GIPC2: variants seen among roughly 807,000 people sequenced by gnomAD.
The protein encoded by GIPC2 is PDZ domain-containing protein GIPC2.
GIPC2 carries 30 observed loss-of-function variants against 30.6 expected under a neutral mutation model. The ratio of observed to expected loss-of-function variants is 0.98; its 90% confidence interval spans 0.73 to 1.33. The LOEUF is 1.33. Ranked by LOEUF, GIPC2 falls within the 40% of genes most tolerant of loss-of-function variation. The pLI is 0.00. For missense variants in GIPC2, 414 were observed against 390.3 expected (o/e 1.06, Z -0.51); for synonymous variants, 167 against 150.0 (o/e 1.11, Z -0.83).
chr1:78,050,221 G>A (rs1661170952), intron 1 of GIPC2, among the ~76,000 whole-genome samples: 1 of 152,130 alleles, frequency 6.6e-6, no homozygotes, highest in Non-Finnish European at 1.5e-5. Context: ...TTACATAGCA[G>A]CTGTGAGATT....
At chr1:78,069,810 T>C (rs1238257964) in intron 1 of GIPC2, among the ~76,000 whole-genome samples, 1 of 152,170 alleles carries the variant, frequency 6.6e-6, no homozygotes, top group African/African-American at 2.4e-5. Context: ...TTAGGTGTTT[T>C]AGTTTAGAAG....
At chr1:78,110,383 C>T in intron 3 of GIPC2, among the ~76,000 whole-genome samples, 1 of 152,128 alleles carries the variant, frequency 6.6e-6, no homozygotes, top group East Asian at 1.9e-4. Flanking sequence ...AGAAATCACC[C>T]AATATTTAAA....
chr1:78,062,205 A>G (rs1661406977), intron 1 of GIPC2, among the ~76,000 whole-genome samples: 1 of 152,192 alleles, frequency 6.6e-6, no homozygotes, highest in Non-Finnish European at 1.5e-5. Flanking sequence ...ACATATCCAT[A>G]TATTTCATTA....
intron 2 of GIPC2, among the ~76,000 whole-genome samples, chr1:78,086,425 G>C (rs1230789272): frequency 6.6e-6 from 1 of 152,120 alleles, no homozygotes; most frequent in Non-Finnish European, 1.5e-5. Context: ...GAGTTCTATA[G>C]AGGTCTTTCA....
rs137865948 is a variant in GIPC2 at position 78,095,121 on chromosome 1, A to G, written c.596A>G (p.Lys199Arg). 1 of 1,611,128 alleles carries G rather than the reference A, an allele frequency of 6.2e-7. No homozygotes were observed. Among genetic ancestry groups the G allele is most frequent in the African/African-American group, 1.3e-5 (1 of 74,828 alleles). The change falls in exon 3 of 6, where the codon AAG (lysine) becomes AGG (arginine). Residue 199 changes from lysine to arginine, a missense_variant. Lys to Arg is a conservative substitution (Grantham distance 26). Transcript: ENST00000370759. ...ELFTMKLIEPKKAFEIELRSK... is the reference protein window; with the variant it reads ...ELFTMKLIEPRKAFEIELRSK... ...TTTACTATGAAGTTAATAGAACCTA[A>G]GAAGGCATTTGGTAAGTCAGGGGTT...
At chr1:78,052,996 G>A (rs1661222484) in intron 1 of GIPC2, among the ~76,000 whole-genome samples, 1 of 152,144 alleles carries the variant, frequency 6.6e-6, no homozygotes. Context: ...GACGAATAGA[G>A]AAAATAGGGT....
chr1:78,073,224 C>T (rs971121874), intron 1 of GIPC2, among the ~76,000 whole-genome samples: 1 of 151,774 alleles, frequency 6.6e-6, no homozygotes, highest in African/African-American at 2.4e-5. Context: ...CTGCTTCAGC[C>T]TCCTGAGTAG....
At chr1:78,134,047 T>A (rs1448388583) in intron 5 of GIPC2, among the ~76,000 whole-genome samples, 5 of 152,128 alleles carry the variant, frequency 3.3e-5, no homozygotes, top group African/African-American at 1.2e-4. Context: ...GAAGTCTTAG[T>A]CTTTCTAATG....
chr1:78,078,973 A>T (rs1233540054), intron 1 of GIPC2, among the ~76,000 whole-genome samples: 2 of 152,144 alleles, frequency 1.3e-5, no homozygotes, highest in Admixed American at 6.6e-5. Flanking sequence ...ACCCATTCAC[A>T]GTGATTTTTG....
chr1:78,060,389 C>T (rs1661370551), intron 1 of GIPC2, among the ~76,000 whole-genome samples: 1 of 152,154 alleles, frequency 6.6e-6, no homozygotes, highest in South Asian at 2.1e-4. Flanking sequence ...AAGCAATTCT[C>T]CTGCCTCAGC....
chr1:78,049,916 A>ATTT (rs1661164729), intron 1 of GIPC2, among the ~76,000 whole-genome samples: 1 of 47,386 alleles, frequency 2.1e-5, no homozygotes, highest in African/African-American at 6.7e-5. Flanking sequence ...TTTTTTTTTG[A>ATTT]GATGGAGTCT....
chr1:78,131,668 T>C (rs978598561), intron 5 of GIPC2, among the ~76,000 whole-genome samples: 5 of 152,228 alleles, frequency 3.3e-5, no homozygotes, highest in Non-Finnish European at 7.3e-5. Context: ...AGAGCTATAA[T>C]ATTTTATCAA....
chr1:78,075,573 T>C (rs1294487290), intron 1 of GIPC2, among the ~76,000 whole-genome samples: 1 of 152,214 alleles, frequency 6.6e-6, no homozygotes, highest in East Asian at 1.9e-4. Context: ...TTGGTGTCTT[T>C]CTCAGCTGGC....
chr1:78,104,549 T>C (rs1298809936), intron 3 of GIPC2, among the ~76,000 whole-genome samples: 1 of 151,930 alleles, frequency 6.6e-6, no homozygotes, highest in Non-Finnish European at 1.5e-5. Context: ...CAGGAGGAAA[T>C]GATCAGGACT....
chr1:78,131,083 T>C (rs1662885342), intron 5 of GIPC2, among the ~76,000 whole-genome samples: 1 of 152,164 alleles, frequency 6.6e-6, no homozygotes, highest in African/African-American at 2.4e-5. Context: ...GCAGTCTCCC[T>C]ACATCACCCT....
intron 3 of GIPC2, among the ~76,000 whole-genome samples, chr1:78,104,734 GATGCT>G (rs1474389301): frequency 6.6e-6 from 1 of 152,186 alleles, no homozygotes; most frequent in African/African-American, 2.4e-5. Context: ...TGATAACAAT[GATGCT>G]ATAATTGGAA....
intron 2 of GIPC2, among the ~76,000 whole-genome samples, chr1:78,087,445 C>T (rs1468654384): frequency 6.6e-6 from 1 of 152,166 alleles, no homozygotes; most frequent in Non-Finnish European, 1.5e-5. Context: ...TAAGGCTGCA[C>T]AGCTACAACC....
At chr1:78,117,430 G>A (rs1296500002) in intron 3 of GIPC2, among the ~76,000 whole-genome samples, 1 of 152,210 alleles carries the variant, frequency 6.6e-6, no homozygotes, top group African/African-American at 2.4e-5. Context: ...GGGCAGGCAG[G>A]AGAGAATGGT....
In GIPC2 at chr1:78,080,880, A is replaced by T; in HGVS notation, c.426+20A>T. ...ATAAAGGTAAGTTTTAAAAAATAAC[A>T]GTGTAACCTAATTGAGGATAACATT... is the stretch of plus-strand genomic sequence containing the variant. On this transcript the variant is annotated intron_variant, in intron 2 of 5. Coordinates refer to ENST00000370759, the MANE Select transcript of GIPC2 (RefSeq NM_017655.6). The T allele has an allele frequency of 7.1e-7, 1 of 1,417,260 alleles. No individual in the cohort carries two copies. Among genetic ancestry groups the T allele is most frequent in the Non-Finnish European group, 9.7e-7 (1 of 1,034,984 alleles). 87.8% of individuals were successfully genotyped at this position (1,417,260 alleles called of 1,614,324 possible).
Sources: allele counts gnomAD v4.1 joint callset (sites outside exome capture counted in the v4.1 genomes callset), GRCh38; gene constraint gnomAD v4.1.1; transcripts MANE v1.5; gene names NCBI Gene and HGNC (gene_info 2026-07-23, HGNC 2026-07-21).